The following NCAM1 variants were observed in gnomAD, a reference collection of about 807,000 sequenced individuals.
NCAM1 encodes the protein antigen recognized by monoclonal antibody 5.1H11.
A neutral mutation model predicts 109.8 loss-of-function variants in NCAM1; 14 were observed. The ratio of observed to expected loss-of-function variants is 0.13; its 90% CI spans 0.08 to 0.20. The LOEUF is 0.20. NCAM1 is among the 10% of genes least tolerant of loss of function. NCAM1 has a pLI of 1.00. For missense variants in NCAM1, 774 were observed against 1,109.9 expected, an observed-to-expected ratio of 0.70 and a Z score of 4.30; for synonymous variants, 418 against 442.9, an observed-to-expected ratio of 0.94 and a Z score of 0.70.
Position 113,235,034 on chromosome 11 carries a change from C to T in NCAM1, c.1695C>T (p.Ala565=), listed in dbSNP as rs1565518840. 6.4e-7 allele frequency: 1 copy of T among 1,553,284 alleles called. No individual in the cohort carries two copies. The highest frequency in any genetic ancestry group is 8.7e-7 in the Non-Finnish European group (1 of 1,147,334). Residue 565 remains alanine, a splice_region_variant and synonymous_variant, in exon 14 of 20, where the codon GCC becomes GCT. Transcript: ENST00000316851. The part of the protein sequence containing the change: ...WHSKWYDAKE[A]SMEGIVTIVG... ...GTCATCCTTCCCATATTATAACAGC[C>T]AGCATGGAGGGCATCGTCACCATCG...
chr11:113,193,555 A>G (rs1325668621), intron 1 of NCAM1, among the ~76,000 whole-genome samples: 1 of 152,192 alleles, frequency 6.6e-6, no homozygotes, highest in East Asian at 1.9e-4. Context: ...TGGGAGGATG[A>G]GGTGGGAGAA....
In NCAM1 at chr11:113,259,578, G is replaced by A. The variant is rs192357174; in HGVS notation, c.1954-568G>A. Among the ~76,000 whole-genome samples, 170 of 152,266 alleles carry A rather than the reference G, an allele frequency of 1.1e-3. 1 individual carries two copies. The highest frequency in any genetic ancestry group is 3.7e-3 in the South Asian group (18 of 4,826). On this transcript the variant is annotated intron_variant, in intron 16 of 19. Transcript: ENST00000316851. Reference sequence around the variant, plus strand: ...GCCCTGAAGGTGATGGGACCTTGACGGTGTTGGCCCAATGCCACACTGGCA... The same window carrying A: ...GCCCTGAAGGTGATGGGACCTTGACAGTGTTGGCCCAATGCCACACTGGCA...
chr11:112,985,535 C>G (rs1233967609), intron 1 of NCAM1, among the ~76,000 whole-genome samples: 1 of 151,870 alleles, frequency 6.6e-6, no homozygotes, highest in Non-Finnish European at 1.5e-5. Context: ...TTCTTTCAGT[C>G]CATGAACATG....
At chr11:112,977,694 G>A (rs1951041964) in intron 1 of NCAM1, among the ~76,000 whole-genome samples, 1 of 151,838 alleles carries the variant, frequency 6.6e-6, no homozygotes, top group South Asian at 2.1e-4. Context: ...TAGAGCTACA[G>A]CGCTTGGTGT....
At chr11:112,968,867 A>G (rs1591197543) in intron 1 of NCAM1, among the ~76,000 whole-genome samples, 2 of 152,322 alleles carry the variant, frequency 1.3e-5, no homozygotes, top group South Asian at 2.1e-4. Flanking sequence ...TACAACAAAC[A>G]TTCCTGAATT....
intron 13 of NCAM1, 55 bp from the exon 14 acceptor site, chr11:113,234,978 C>A: frequency 1.3e-6 from 2 of 1,505,966 alleles, no homozygotes; most frequent in South Asian, 1.3e-5. Flanking sequence ...TTTTTCAGAG[C>A]GGCTGCACCA....
At chr11:113,092,560 A>T (rs1384952919) in intron 1 of NCAM1, among the ~76,000 whole-genome samples, 1 of 152,146 alleles carries the variant, frequency 6.6e-6, no homozygotes, top group African/African-American at 2.4e-5. Flanking sequence ...ATCCCAGCAG[A>T]ACTGAGCCAG....
chr11:113,202,568 C>T lies in NCAM1; in HGVS notation c.127+115C>T, dbSNP rs1051383124. On this transcript the variant is annotated intron_variant, in intron 2 of 19. Transcript: ENST00000316851. ...GTCAAGCCACACCTAGAATTCTTGG[C>T]ATTGCTCTATTACAGGGTCAATAGT... 5.6e-6 allele frequency: 5 copies of T among 899,052 alleles called. No individual in the cohort carries two copies. In the Admixed American group the frequency reaches 9.0e-5, roughly 16 times the overall value. 55.7% of individuals were successfully genotyped at this position (899,052 alleles called of 1,614,324 possible). A position where few individuals can be genotyped will look rare whatever the true frequency, so the allele number is the denominator to read the frequency against.
At chr11:113,006,088 T>G (rs782401488) in intron 1 of NCAM1, among the ~76,000 whole-genome samples, 5 of 152,194 alleles carry the variant, frequency 3.3e-5, no homozygotes, top group Non-Finnish European at 7.3e-5. Flanking sequence ...CTTTTTTGGT[T>G]TCAAAAAATT....
chr11:113,165,281 T>A (rs182495269), intron 1 of NCAM1, among the ~76,000 whole-genome samples: 14 of 152,264 alleles, frequency 9.2e-5, no homozygotes, highest in Admixed American at 6.5e-4. Flanking sequence ...TCCACTTAGA[T>A]GAATTTGGAA....
At chr11:113,181,846 C>T (rs1555108048) in intron 1 of NCAM1, among the ~76,000 whole-genome samples, 1 of 152,150 alleles carries the variant, frequency 6.6e-6, no homozygotes, top group East Asian at 1.9e-4. Flanking sequence ...GAACCCCACG[C>T]TATTTTTGAC....
At chr11:113,258,308 G>T (rs1370434863) in intron 16 of NCAM1, among the ~76,000 whole-genome samples, 1 of 152,200 alleles carries the variant, frequency 6.6e-6, no homozygotes, top group African/African-American at 2.4e-5. Flanking sequence ...GAGGGAGGTG[G>T]TTACCTAATT....
chr11:113,201,209 C>A (rs957110732), intron 1 of NCAM1, among the ~76,000 whole-genome samples: 2 of 152,156 alleles, frequency 1.3e-5, no homozygotes, highest in African/African-American at 2.4e-5. Context: ...TCCCTGCAGT[C>A]GGCTGAGGAC....
intron 1 of NCAM1, among the ~76,000 whole-genome samples, chr11:113,013,444 A>G (rs1055467233): frequency 5.9e-5 from 9 of 151,616 alleles, no homozygotes; most frequent in Admixed American, 2.0e-4. Context: ...AAAAAAAAAA[A>G]AAGAAGCGAA....
At position 113,232,247 on chromosome 11, in the gene NCAM1, G is replaced by T. The variant is rs1945032880; in HGVS notation, c.1318G>T (p.Ala440Ser). The T allele has an allele frequency of 1.2e-6, 2 of 1,613,894 alleles. No individual in the cohort carries two copies. The highest frequency in any genetic ancestry group is 4.5e-5 in the East Asian group (2 of 44,878). Reference protein sequence around the residue: ...NQVNITCEVFAYPSATISWFR... With the variant: ...NQVNITCEVFSYPSATISWFR... ...GGTGAACATCACCTGCGAGGTATTT[G>T]CCTATCCCAGTGCCACGATCTCATG... Residue 440 changes from alanine to serine, a missense_variant, in exon 11 of 20, where the codon GCC becomes TCC. Transcript: ENST00000316851.
intron 8 of NCAM1, among the ~76,000 whole-genome samples, chr11:113,220,235 G>A (rs1372922152): frequency 6.6e-6 from 1 of 152,162 alleles, no homozygotes; most frequent in East Asian, 1.9e-4. Flanking sequence ...TCTAACCTCT[G>A]TGTCCCTGGG....
In NCAM1 at chr11:113,143,086, A is replaced by G. The variant is rs1436367852; in HGVS notation, c.53-59293A>G. On this transcript the variant is annotated intron_variant, in intron 1 of 19. Transcript: ENST00000316851. ...CTCTAAAATAAGGTCATTCGCCTAC[A>G]TAACTGCAATGCCATTTTCATACAT... Among the ~76,000 whole-genome samples, 3 of 152,344 alleles carry G rather than the reference A, an allele frequency of 2.0e-5. No homozygotes were observed. In the Middle Eastern group the frequency reaches 0.01, roughly 518 times the overall value.
intron 1 of NCAM1, among the ~76,000 whole-genome samples, chr11:113,170,663 G>T (rs1269610937): frequency 6.6e-6 from 1 of 152,080 alleles, no homozygotes; most frequent in Non-Finnish European, 1.5e-5. Flanking sequence ...TCATCTCGGG[G>T]CTGCTTGTTT....
At chr11:113,128,906 G>GGGGTGT (rs1258426868) in intron 1 of NCAM1, among the ~76,000 whole-genome samples, 2 of 84,836 alleles carry the variant, frequency 2.4e-5, no homozygotes, top group Admixed American at 2.1e-4. Context: ...AAGTTGTGAG[G>GGGGTGT]GTGTGTGTGT....
Sources: allele counts gnomAD v4.1 joint callset (sites outside exome capture counted in the v4.1 genomes callset), GRCh38; gene constraint gnomAD v4.1.1; transcripts MANE v1.5; gene names NCBI Gene and HGNC (gene_info 2026-07-23, HGNC 2026-07-21).